TBX22: variants seen among roughly 807,000 people sequenced by gnomAD.
TBX22 encodes T-box transcription factor 22.
A neutral mutation model predicts 30.1 loss-of-function variants in TBX22; 8 were observed. That is an observed-to-expected ratio of 0.27 (90% confidence interval 0.16 to 0.48). The LOEUF (loss-of-function observed/expected upper bound fraction) is 0.48. Among genes scored for constraint, TBX22 ranks in the 20% least tolerant of loss-of-function variants. The probability of loss-of-function intolerance (pLI) is 0.99; values close to 1 mark genes in which losing one functional copy is unlikely to be tolerated. For missense variants in TBX22, 463 were observed against 400.5 expected, an observed-to-expected ratio of 1.16 and a Z score of -1.33; for synonymous variants, 173 against 149.1, an observed-to-expected ratio of 1.16 and a Z score of -1.17.
At chrX:80,017,280 T>TTTTGTGTGTGTG (rs1555990863) in intron 1 of TBX22, among the ~76,000 whole-genome samples, 1 of 93,955 alleles carries the variant, frequency 1.1e-5, no homozygotes, top group African/African-American at 4.0e-5. Context: ...GGTGTTGTTT[T>TTTTGTGTGTGTG]TGTGTGTGTG....
In TBX22 at chrX:80,030,794, C is replaced by T; in HGVS notation, c.1246C>T (p.Leu416=). 8.3e-7 allele frequency: 1 copy of T among 1,211,304 alleles called. No individual in the cohort carries two copies. Among genetic ancestry groups the T allele is most frequent in the South Asian group, 1.8e-5 (1 of 57,009 alleles). The change falls in exon 9 of 9, where the codon CTG becomes TTG. Residue 416 remains leucine, a synonymous_variant. Coordinates refer to ENST00000373296, the MANE Select transcript of TBX22 (RefSeq NM_001109878.2). ...LMMEVPMLSS[L]GVTNSKSGSS... ...GATGGAAGTGCCTATGTTATCTTCCCTGGGGGTCACCAATTCAAAAAGCGG... is the reference window on the plus strand; with the variant it reads ...GATGGAAGTGCCTATGTTATCTTCCTTGGGGGTCACCAATTCAAAAAGCGG...
intron 1 of TBX22, among the ~76,000 whole-genome samples, chrX:80,022,045 C>T (rs1923726575): frequency 9.0e-6 from 1 of 110,770 alleles, no homozygotes; most frequent in South Asian, 3.8e-4. Context: ...CACACACACA[C>T]ACACACACAC....
In TBX22 at chrX:80,030,714, C is replaced by T. The variant is rs756577621; in HGVS notation, c.1166C>T (p.Pro389Leu). 36 of 1,209,941 alleles carry T rather than the reference C, an allele frequency of 3.0e-5. No homozygotes were observed. The highest frequency in any genetic ancestry group is 5.9e-5 in the East Asian group (2 of 33,747). ...NFWQQQPLVL[P>L]APERLASSNS... ...TGGCAACAGCAACCTCTTGTTTTAC[C>T]GGCTCCTGAAAGACTAGCAAGCAGC... The change falls in exon 9 of 9, where the codon CCG becomes CTG. Residue 389 changes from proline to leucine, a missense_variant. Physicochemically the swap from Pro to Leu is moderately conservative, Grantham distance 98. Transcript: ENST00000373296.
chrX:80,015,829 T>G (rs1232063782), intron 1 of TBX22, among the ~76,000 whole-genome samples: 1 of 112,450 alleles, frequency 8.9e-6, no homozygotes, highest in Non-Finnish European at 1.9e-5. Context: ...TTTTTAAAAT[T>G]TGTCTTTATT....
At chrX:80,015,212 C>A (rs1923372646) in intron 1 of TBX22, among the ~76,000 whole-genome samples, 1 of 112,180 alleles carries the variant, frequency 8.9e-6, no homozygotes, top group African/African-American at 3.2e-5. Flanking sequence ...AGCAATGCAG[C>A]CAGAAGGCTC....
rs760952336 is a variant in TBX22 at position 80,028,111 on chromosome X, A to G, written c.949+35A>G. The G allele has an allele frequency of 8.1e-6, 9 of 1,114,207 alleles. No homozygotes were observed. In the South Asian group the frequency reaches 1.7e-4, roughly 21 times the overall value. 91.8% of individuals were successfully genotyped at this position (1,114,207 alleles called of 1,213,427 possible). A position where few individuals can be genotyped will look rare whatever the true frequency, so the allele number is the denominator to read the frequency against. On this transcript the variant is annotated intron_variant, in intron 8 of 8. Transcript: ENST00000373296. Reference sequence around the variant, plus strand: ...CTTGGAACGTTTGTTTTATTTTTACATATCAATTAAATAACAACATCCGGA... The same window carrying G: ...CTTGGAACGTTTGTTTTATTTTTACGTATCAATTAAATAACAACATCCGGA...
At position 80,025,898 on chromosome X, in the gene TBX22, T is replaced by C. The variant is rs195294; in HGVS notation, c.633+121T>C. The C allele has an allele frequency of 0.42, 258,924 of 610,986 alleles. 42,827 individuals are homozygous for C. Among genetic ancestry groups the C allele is most frequent in the East Asian group, 0.9 (25,292 of 27,966 alleles). 50.4% of individuals were successfully genotyped at this position (610,986 alleles called of 1,213,427 possible). ...ACATGTTGTGTTTTTTAGGAACTGTTCAAGCCCTGCACCTGTAAGTAAAGT... is the reference window on the plus strand; with the variant it reads ...ACATGTTGTGTTTTTTAGGAACTGTCCAAGCCCTGCACCTGTAAGTAAAGT... On this transcript the variant is annotated intron_variant, in intron 5 of 8. Coordinates refer to ENST00000373296, the MANE Select transcript of TBX22 (RefSeq NM_001109878.2).
At chrX:80,024,734 C>T (rs1923891218) in intron 4 of TBX22, among the ~76,000 whole-genome samples, 1 of 111,865 alleles carries the variant, frequency 8.9e-6, no homozygotes, top group South Asian at 3.8e-4. Context: ...GTACAAGTAT[C>T]ATTTTCCCTT....
chrX:80,026,357 T>C (rs1923974894), intron 5 of TBX22, among the ~76,000 whole-genome samples: 1 of 111,452 alleles, frequency 9.0e-6, no homozygotes, highest in South Asian at 3.8e-4. Context: ...GTAGGGTATG[T>C]CAGGTTACCC....
chrX:80,025,875 A>G (rs1923950750), intron 5 of TBX22, 98 bp downstream of exon 5: 2 of 780,221 alleles, frequency 2.6e-6, no homozygotes, highest in Non-Finnish European at 3.8e-6. Context: ...GCAGATGCAC[A>G]TGTTGTGTTT....
intron 1 of TBX22, among the ~76,000 whole-genome samples, chrX:80,017,934 C>A (rs928109716): frequency 2.7e-5 from 3 of 111,735 alleles, no homozygotes; most frequent in African/African-American, 9.8e-5. Flanking sequence ...AATGCATTTT[C>A]CTGTAGCTAA....
intron 1 of TBX22, among the ~76,000 whole-genome samples, chrX:80,015,242 C>A (rs1353445240): frequency 8.9e-6 from 1 of 112,168 alleles, no homozygotes; most frequent in Non-Finnish European, 1.9e-5. Context: ...GGATACTATG[C>A]ATTAGTGCTC....
chrX:80,030,459 G>T, intron 8 of TBX22, 39 bp from the exon 9 acceptor site: 1 of 1,205,978 alleles, frequency 8.3e-7, no homozygotes, highest in Non-Finnish European at 1.1e-6. Flanking sequence ...AACATCAAAT[G>T]TCAAGTTCAT....
chrX:80,022,604 C>A lies in TBX22; in HGVS notation c.175+160C>A, dbSNP rs370933828. The stretch of plus-strand genomic sequence containing the variant: ...AGTTTCAGCGCCTCCGAATCCATCC[C>A]GGAGTACAGCAGTTTCTTTGCGGTA... On this transcript the variant is annotated intron_variant, in intron 2 of 8. Coordinates refer to ENST00000373296, the MANE Select transcript of TBX22 (RefSeq NM_001109878.2). The A allele has an allele frequency of 8.8e-5, 46 of 522,910 alleles. 1 individual carries two copies. In the African/African-American group the frequency reaches 9.8e-4, roughly 11 times the overall value. 43.1% of individuals were successfully genotyped at this position (522,910 alleles called of 1,213,427 possible).
rs11413078 is a variant in TBX22 at position 80,028,958 on chromosome X, GA to G, written c.949+892del. Among the ~76,000 whole-genome samples, 337 of 103,176 alleles carry G rather than the reference GA, an allele frequency of 3.3e-3. 2 individuals are homozygous for G. The highest frequency in any genetic ancestry group is 0.01 in the African/African-American group (293 of 28,642). The allele number at this position is 103,176 out of a possible 115,157, so 89.6% of individuals were successfully genotyped here. ...CTTGATGTGGTTTAGGGAATTGCATGAAAAAAAAAACACTTATTTTACAGTG... is the reference window on the plus strand; with the variant it reads ...CTTGATGTGGTTTAGGGAATTGCATGAAAAAAAAACACTTATTTTACAGTG... On this transcript the variant is annotated intron_variant, in intron 8 of 8. Coordinates refer to ENST00000373296, the MANE Select transcript of TBX22 (RefSeq NM_001109878.2).
At position 80,031,106 on chromosome X, in the gene TBX22, C is replaced by CT; in HGVS notation, c.1561dup (p.Ter521LeufsTer5). 3.3e-6 allele frequency: 4 copies of CT among 1,206,653 alleles called. No individual in the cohort carries two copies. Among genetic ancestry groups the CT allele is most frequent in the Non-Finnish European group, 4.5e-6 (4 of 892,174 alleles). ...TTGGTATCCAGCAATTAACCATTACCTTTAGTAAGACAATAGCATTTCTAG... is the reference window on the plus strand; with the variant it reads ...TTGGTATCCAGCAATTAACCATTACCTTTTAGTAAGACAATAGCATTTCTAG... On this transcript the variant is annotated frameshift_variant, in exon 9 of 9. Transcript: ENST00000373296. LOFTEE classifies it high-confidence loss of function.
In TBX22 at chrX:80,025,607, G is replaced by A. The variant is rs1470650923; in HGVS notation, c.463G>A (p.Val155Ile). The A allele has an allele frequency of 3.3e-6, 4 of 1,207,800 alleles. No individual in the cohort carries two copies. The highest frequency in any genetic ancestry group is 2.3e-4 in the Middle Eastern group (1 of 4,341). The change falls in exon 5 of 9, where the codon GTC becomes ATC. Residue 155 changes from valine (V) to isoleucine (I), a missense_variant. By Grantham distance (29) the Val-to-Ile change is conservative. Transcript: ENST00000373296. ...CCACAGCATGTGTTTTTTCAGGTAC[G>A]TCTATCACAGCTCACAGTGGATGGT... ...VPVDSKRYRY[V>I]YHSSQWMVAG...
At chrX:80,016,800 G>C (rs890250965) in intron 1 of TBX22, among the ~76,000 whole-genome samples, 32 of 110,657 alleles carry the variant, frequency 2.9e-4, no homozygotes, top group African/African-American at 9.5e-4. Flanking sequence ...GAGGTCAGGA[G>C]TTCAAGACCA....
intron 1 of TBX22, among the ~76,000 whole-genome samples, chrX:80,020,462 T>C (rs1472025079): frequency 3.6e-5 from 4 of 111,843 alleles, no homozygotes; most frequent in Admixed American, 9.5e-5. Flanking sequence ...CCAGCCCAAG[T>C]TCCTTACACG....
Sources: allele counts gnomAD v4.1 joint callset (sites outside exome capture counted in the v4.1 genomes callset), GRCh38; gene constraint gnomAD v4.1.1; transcripts MANE v1.5; gene names NCBI Gene and HGNC (gene_info 2026-07-23, HGNC 2026-07-21).